The following SYNE1 variants were observed in gnomAD, a reference collection of about 807,000 sequenced individuals.
SYNE1 encodes the protein spectrin repeat containing nuclear envelope protein 1.
In SYNE1, 616 loss-of-function variants were observed where a neutral mutation model predicts 1,111.0. The observed-to-expected ratio is 0.55, with a 90% confidence interval of 0.52 to 0.59. The LOEUF is 0.59. Among genes scored for constraint, SYNE1 ranks in the 20% least tolerant of loss-of-function variants. The pLI, the probability that SYNE1 is intolerant of heterozygous loss-of-function variation, is 0.00. For missense variants in SYNE1, 10,006 were observed against 10,417.0 expected, an observed-to-expected ratio of 0.96 and a Z score of 1.72; for synonymous variants, 3,855 against 3,825.8, an observed-to-expected ratio of 1.01 and a Z score of -0.28.
At chr6:152,276,938 G>A (rs1411642229) in intron 98 of SYNE1, among the ~76,000 whole-genome samples, 1 of 144,318 alleles carries the variant, frequency 6.9e-6, no homozygotes, top group Non-Finnish European at 1.5e-5. Context: ...AGGCTGGAGT[G>A]CAGTGGTGCG....
intron 3 of SYNE1, among the ~76,000 whole-genome samples, chr6:152,596,162 G>A (rs936936936): frequency 3.0e-5 from 4 of 134,340 alleles, no homozygotes; most frequent in Non-Finnish European, 4.6e-5. Context: ...GTGGAACTTA[G>A]AGAAGAACAA....
chr6:152,319,719 CA>C (rs36037901), intron 84 of SYNE1, among the ~76,000 whole-genome samples: 79,011 of 151,944 alleles, frequency 0.52, 20,885 homozygotes, highest in Admixed American at 0.6. Context: ...GGAGAAAACA[CA>C]CCATTAAAAG....
At chr6:152,221,305 AG>A in intron 118 of SYNE1, 120 bp downstream of exon 118, 7 of 1,305,198 alleles carry the variant, frequency 5.4e-6, no homozygotes, top group South Asian at 5.2e-5. Flanking sequence ...ATGTTGTGAA[AG>A]AGAAGTTTAA....
At chr6:152,511,478 C>T (rs1275553287) in intron 6 of SYNE1, 2 of 1,159,418 alleles carry the variant, frequency 1.7e-6, no homozygotes, top group African/African-American at 3.0e-5. Context: ...AGAAGATGCA[C>T]TTACTTTGAA....
At chr6:152,377,761 G>A (rs2097323765) in intron 56 of SYNE1, among the ~76,000 whole-genome samples, 1 of 143,824 alleles carries the variant, frequency 7.0e-6, no homozygotes, top group Admixed American at 7.3e-5. Context: ...CATGAGTCTG[G>A]TTTAAATAGT....
At chr6:152,247,832 A>C (rs1214350098) in intron 105 of SYNE1, among the ~76,000 whole-genome samples, 2 of 136,580 alleles carry the variant, frequency 1.5e-5, no homozygotes, top group Admixed American at 7.5e-5. Flanking sequence ...CAGTTTTGCA[A>C]ACTATTTTGA....
At position 152,148,880 on chromosome 6, in the gene SYNE1, T is replaced by C. The variant is rs1256467564; in HGVS notation, c.24643-502A>G. Reference sequence around the variant, plus strand: ...GGCAAGGATCGGAAATAAGAGCAAATTACTAAGACCTTAGCTTGTCCTTAT... The same window carrying C: ...GGCAAGGATCGGAAATAAGAGCAAACTACTAAGACCTTAGCTTGTCCTTAT... On this transcript the variant is annotated intron_variant, in intron 136 of 145. Coordinates refer to ENST00000367255, the MANE Select transcript of SYNE1 (RefSeq NM_182961.4). This position sits in a 1 kb window ranked among gnomAD's most constrained non-coding sequence, Gnocchi z 4.1. 6.6e-6 allele frequency among the ~76,000 whole-genome samples: 1 copy of C among 152,056 alleles called. No homozygotes were observed. Among genetic ancestry groups the C allele is most frequent in the Non-Finnish European group, 1.5e-5 (1 of 68,002 alleles).
At chr6:152,412,716 T>C (rs2098083508) in intron 42 of SYNE1, among the ~76,000 whole-genome samples, 1 of 151,380 alleles carries the variant, frequency 6.6e-6, no homozygotes, top group Non-Finnish European at 1.5e-5. Flanking sequence ...TAAATTTTAG[T>C]GTGTTTAAAT....
intron 3 of SYNE1, among the ~76,000 whole-genome samples, chr6:152,551,883 A>C (rs2099348186): frequency 2.0e-5 from 3 of 152,220 alleles, no homozygotes; most frequent in African/African-American, 7.2e-5. Flanking sequence ...GAGGCTGGAC[A>C]AACTTGCCAC....
chr6:152,538,639 AC>A (rs202028081), intron 4 of SYNE1, among the ~76,000 whole-genome samples: 2,411 of 151,378 alleles, frequency 0.016, 28 homozygotes, highest in Non-Finnish European at 0.025. Context: ...AAAAAAAAAA[AC>A]AAAACCTTTT....
chr6:152,456,473 T>G (rs929696869), intron 22 of SYNE1, among the ~76,000 whole-genome samples: 5 of 149,576 alleles, frequency 3.3e-5, no homozygotes, highest in Non-Finnish European at 5.9e-5. Flanking sequence ...CACATTCACT[T>G]TGCTGAAAGA....
At position 152,344,218 on chromosome 6, in the gene SYNE1, T is replaced by C. The variant is rs745497552; in HGVS notation, c.12088A>G (p.Ser4030Gly). 2.5e-6 allele frequency: 4 copies of C among 1,614,164 alleles called. No homozygotes were observed. The highest frequency in any genetic ancestry group is 3.4e-6 in the Non-Finnish European group (4 of 1,180,034). The change falls in exon 74 of 146, where the codon AGT becomes GGT. Residue 4030 changes from serine (S) to glycine (G), a missense_variant. Physicochemically the swap from Ser to Gly is moderately conservative, Grantham distance 56. Around this residue, in one of 7 missense-constraint regions of SYNE1, gnomAD observed 4,955 missense variants for 5,017.2 expected, o/e 0.99. Transcript: ENST00000367255. Reference sequence around the variant, plus strand: ...TGCTTCTGAAGTTCGTGTTCCAAACTCTGGTACATCTGAGACAATACAATC... The same window carrying C: ...TGCTTCTGAAGTTCGTGTTCCAAACCCTGGTACATCTGAGACAATACAATC... Reference protein sequence around the residue: ...ICSTAQRMYQSLEHELQKHVS... With the variant: ...ICSTAQRMYQGLEHELQKHVS...
chr6:152,175,606 T>G (rs1405130639), intron 130 of SYNE1, among the ~76,000 whole-genome samples: 1 of 152,236 alleles, frequency 6.6e-6, no homozygotes, highest in Non-Finnish European at 1.5e-5. Flanking sequence ...CTGTTCTTAG[T>G]GCTTGTGATA....
intron 3 of SYNE1, among the ~76,000 whole-genome samples, chr6:152,593,734 G>A (rs1459645086): frequency 6.6e-6 from 1 of 152,158 alleles, no homozygotes; most frequent in Non-Finnish European, 1.5e-5. Context: ...GGTGCCATTT[G>A]TAAACCATGT....
chr6:152,324,093 A>C (rs2095971388), intron 81 of SYNE1, among the ~76,000 whole-genome samples: 1 of 152,240 alleles, frequency 6.6e-6, no homozygotes, highest in Non-Finnish European at 1.5e-5. Flanking sequence ...TAAAACATTA[A>C]ACCTTTAAAG....
intron 130 of SYNE1, among the ~76,000 whole-genome samples, chr6:152,174,675 C>A (rs554283522): frequency 6.6e-6 from 1 of 152,170 alleles, no homozygotes; most frequent in Non-Finnish European, 1.5e-5. Flanking sequence ...CTCCAGGACA[C>A]GCGCTTTGGA....
At position 152,488,465 on chromosome 6, in the gene SYNE1, C is replaced by A. The variant is rs762899602; in HGVS notation, c.978G>T (p.Trp326Cys). ...DRVIFKEMKV[W>C]IEQFERDLTR... ...TCAAATCTCTCTCAAATTGTTCTAT[C>A]CAAACTTTCATTTCCTTAAAAATTA... The change falls in exon 12 of 146, where the codon TGG (tryptophan) becomes TGT (cysteine). Residue 326 changes from tryptophan to cysteine, a missense_variant. Trp to Cys is a radical substitution (Grantham distance 215). Coordinates refer to ENST00000367255, the MANE Select transcript of SYNE1 (RefSeq NM_182961.4). 1 of 1,608,422 alleles carries A rather than the reference C, an allele frequency of 6.2e-7. No individual in the cohort carries two copies. Among genetic ancestry groups the A allele is most frequent in the South Asian group, 1.1e-5 (1 of 90,930 alleles).
At chr6:152,319,169 C>G (rs190954064) in intron 84 of SYNE1, among the ~76,000 whole-genome samples, 154 bp from the exon 85 acceptor site, 256 of 152,340 alleles carry the variant, frequency 1.7e-3, no homozygotes, top group African/African-American at 5.9e-3. Flanking sequence ...TACAAGCCCT[C>G]CTGGCTTTCC....
intron 3 of SYNE1, among the ~76,000 whole-genome samples, chr6:152,567,493 A>G (rs188433690): frequency 1.2e-3 from 176 of 152,278 alleles, no homozygotes; most frequent in African/African-American, 3.9e-3. Flanking sequence ...GGATGCTTCT[A>G]TTGATTTTTT....
Sources: gnomAD v4.1 joint callset for allele counts (sites outside exome capture counted in the v4.1 genomes callset) on GRCh38, gnomAD v4.1.1 for gene constraint, gnomAD v4.1.1 regional missense constraint, Gnocchi (gnomAD v3.1) non-coding constraint, MANE v1.5 for transcripts, NCBI Gene and HGNC (gene_info 2026-07-23, HGNC 2026-07-21) for gene names.